The following METRNL variants were observed in gnomAD, a reference collection of about 807,000 sequenced individuals.
METRNL encodes meteorin like, glial cell differentiation regulator.
Under a neutral mutation model 17.4 loss-of-function variants are expected in METRNL, and 9 were observed. That is an observed-to-expected ratio of 0.52 (90% CI 0.31 to 0.90). The LOEUF (loss-of-function observed/expected upper bound fraction) is 0.90, where lower values mean the gene tolerates loss of function less well. Ranked by LOEUF, METRNL falls within the 40% of genes least tolerant of loss-of-function variation. The pLI, the probability that METRNL is intolerant of heterozygous loss-of-function variation, is 0.05. For missense variants in METRNL, 408 were observed against 430.7 expected, an observed-to-expected ratio of 0.95 and a Z score of 0.47; for synonymous variants, 215 against 199.3, an observed-to-expected ratio of 1.08 and a Z score of -0.66.
intron 2 of METRNL, among the ~76,000 whole-genome samples, chr17:83,092,151 G>T (rs1401894854): frequency 6.6e-6 from 1 of 152,222 alleles, no homozygotes; most frequent in Non-Finnish European, 1.5e-5. Context: ...GGGCTTCAGA[G>T]GGGGTTCTGT....
chr17:83,089,604 C>G (rs543837718), intron 2 of METRNL, among the ~76,000 whole-genome samples: 3 of 152,108 alleles, frequency 2.0e-5, no homozygotes, highest in Admixed American at 6.5e-5. Flanking sequence ...AGCCCTCCCC[C>G]TCCGAGGAGG....
At chr17:83,080,578 C>CG (rs1555728876) in intron 1 of METRNL, among the ~76,000 whole-genome samples, 1 of 127,626 alleles carries the variant, frequency 7.8e-6, no homozygotes, top group Admixed American at 7.5e-5. Flanking sequence ...CCCCCCCCCC[C>CG]CACCCGCGGT....
intron 2 of METRNL, among the ~76,000 whole-genome samples, chr17:83,088,120 G>A (rs754025107): frequency 4.6e-5 from 7 of 152,334 alleles, no homozygotes; most frequent in Admixed American, 2.0e-4. Flanking sequence ...GAGGGGACCC[G>A]GCCCCAGGAC....
chr17:83,084,517 A>ATCCCT, intron 1 of METRNL: 1 of 189,940 alleles, frequency 5.3e-6, no homozygotes. Context: ...GGAGGAATCC[A>ATCCCT]TCCCTTCCCT....
chr17:83,092,587 G>A (rs1232981770), intron 2 of METRNL: 1 of 115,880 alleles, frequency 8.6e-6, no homozygotes, highest in Non-Finnish European at 1.9e-5. Flanking sequence ...GGGCGACTCT[G>A]GGAGGTGGGG....
At position 83,092,989 on chromosome 17, in the gene METRNL, C is replaced by T. The variant is rs151108079; in HGVS notation, c.557-178C>T. ...TGTTTTCTGTCTCCCGTGCTGCCGG[C>T]CCCTCCAGCACGTGCCGCCAACTCA... On this transcript the variant is annotated intron_variant, in intron 2 of 3. Transcript: ENST00000320095. 2.4e-3 allele frequency among the ~76,000 whole-genome samples: 358 copies of T among 152,308 alleles called. 1 individual carries two copies. Among genetic ancestry groups the T allele is most frequent in the Non-Finnish European group, 4.5e-3 (303 of 68,024 alleles).
chr17:83,086,363 C>A (rs1287653389), intron 2 of METRNL, among the ~76,000 whole-genome samples: 1 of 152,242 alleles, frequency 6.6e-6, no homozygotes, highest in African/African-American at 2.4e-5. Context: ...CAGACTGCCC[C>A]TTGGGCCTCA....
At chr17:83,089,344 T>A (rs1178265545) in intron 2 of METRNL, among the ~76,000 whole-genome samples, 1 of 152,110 alleles carries the variant, frequency 6.6e-6, no homozygotes, top group Non-Finnish European at 1.5e-5. Flanking sequence ...GACCCAGTAA[T>A]CGTGGCCACA....
intron 3 of METRNL, 50 bp from the exon 4 acceptor site, chr17:83,094,206 T>C (rs1315704789): frequency 3.4e-6 from 5 of 1,465,982 alleles, no homozygotes; most frequent in Non-Finnish European, 4.6e-6. Context: ...GTGGTCTTGC[T>C]GTGTGCTTGC....
intron 2 of METRNL, among the ~76,000 whole-genome samples, chr17:83,090,180 C>T (rs1215553920): frequency 0.013 from 1,287 of 100,700 alleles, 29 homozygotes; most frequent in Middle Eastern, 0.042. Context: ...ACCCCTGCCC[C>T]GCCCCAGGGT....
At chr17:83,086,661 G>A (rs1179569214) in intron 2 of METRNL, among the ~76,000 whole-genome samples, 1 of 152,228 alleles carries the variant, frequency 6.6e-6, no homozygotes, top group Non-Finnish European at 1.5e-5. Flanking sequence ...GATTAAAGTG[G>A]TGATTGGTCT....
Position 83,079,783 on chromosome 17 carries a change from C to T in METRNL, c.-33C>T. 1.0e-6 allele frequency: 1 copy of T among 966,184 alleles called. No homozygotes were observed. Among genetic ancestry groups the T allele is most frequent in the South Asian group, 4.8e-5 (1 of 20,900 alleles). 59.9% of individuals were successfully genotyped at this position (966,184 alleles called of 1,614,324 possible). A position where few individuals can be genotyped will look rare whatever the true frequency, so the allele number is the denominator to read the frequency against. On this transcript the variant is annotated 5_prime_UTR_variant, in exon 1 of 4. In the 5' UTR this introduces an upstream ATG that the reference lacks. Transcript: ENST00000320095. ...CGGGGTCTGCTCCGGGGGTCGCGGA[C>T]GCGGGGCCGGGCGGCGGAGCCGGCG...
chr17:83,092,696 ACT>A (rs2038154074), intron 2 of METRNL, among the ~76,000 whole-genome samples: 1 of 149,348 alleles, frequency 6.7e-6, no homozygotes, highest in Non-Finnish European at 1.5e-5. Context: ...GTTGGGGGTG[ACT>A]CTTGTCTGGT....
At chr17:83,093,043 G>A (rs2038158618) in intron 2 of METRNL, 124 bp from the exon 3 acceptor site, 1 of 729,180 alleles carries the variant, frequency 1.4e-6, no homozygotes, top group Non-Finnish European at 2.4e-6. Flanking sequence ...TCACAAAGGT[G>A]CCTTGACGTG....
rs1468069188 is a variant in METRNL at position 83,079,841 on chromosome 17, G to A, written c.26G>A (p.Trp9Ter). MRGAARAA[W>*]GRAGQPWPRP... Reference sequence around the variant, plus strand: ...ATGCGGGGCGCGGCGCGGGCGGCCTGGGGGCGCGCGGGGCAGCCGTGGCCG... The same window carrying A: ...ATGCGGGGCGCGGCGCGGGCGGCCTAGGGGCGCGCGGGGCAGCCGTGGCCG... The change falls in exon 1 of 4, where the codon TGG (tryptophan) becomes TAG (stop). Residue 9 changes from tryptophan to a stop codon, truncating the protein, a stop_gained. Transcript: ENST00000320095. LOFTEE classifies it high-confidence loss of function. 1.0e-6 allele frequency: 1 copy of A among 975,060 alleles called. No homozygotes were observed. The highest frequency in any genetic ancestry group is 1.2e-6 in the Non-Finnish European group (1 of 823,852). 60.4% of individuals were successfully genotyped at this position (975,060 alleles called of 1,614,324 possible). A position where few individuals can be genotyped will look rare whatever the true frequency, so the allele number is the denominator to read the frequency against.
intron 2 of METRNL, among the ~76,000 whole-genome samples, chr17:83,087,063 C>T (rs2038060837): frequency 6.6e-6 from 1 of 152,032 alleles, no homozygotes; most frequent in African/African-American, 2.4e-5. Flanking sequence ...TGACTTGAGC[C>T]CCAAGGGACC....
chr17:83,080,978 C>T (rs2143606388), intron 1 of METRNL, among the ~76,000 whole-genome samples: 1 of 151,576 alleles, frequency 6.6e-6, no homozygotes, highest in Middle Eastern at 3.4e-3. Flanking sequence ...GCGGGGCGGG[C>T]GCAGGTCTCC....
chr17:83,091,128 G>A (rs1338606218), intron 2 of METRNL, among the ~76,000 whole-genome samples: 1 of 152,130 alleles, frequency 6.6e-6, no homozygotes. Context: ...CATTCTGGAG[G>A]GTTGCTGGGA....
At chr17:83,084,734 G>T (rs1600485624) in intron 1 of METRNL, 3 of 569,660 alleles carry the variant, frequency 5.3e-6, no homozygotes, top group East Asian at 6.0e-5. Context: ...GGAAGGAACT[G>T]GGTGGGGCCC....
Sources: allele counts gnomAD v4.1 joint callset (sites outside exome capture counted in the v4.1 genomes callset), GRCh38; gene constraint gnomAD v4.1.1; transcripts MANE v1.5; gene names NCBI Gene and HGNC (gene_info 2026-07-23, HGNC 2026-07-21).